TRDN: variants seen among roughly 807,000 people sequenced by gnomAD.
TRDN encodes triadin, also known as triadin in skeletal muscle.
In TRDN, 161 loss-of-function variants were observed where a neutral mutation model predicts 149.7. That is an observed-to-expected ratio of 1.08 (90% CI 0.95 to 1.23). TRDN has a LOEUF of 1.23. TRDN is among the 50% of genes most tolerant of loss of function. The pLI is 0.00. For missense variants in TRDN, 896 were observed against 823.5 expected (o/e 1.09, Z -1.08); for synonymous variants, 294 against 250.5 (o/e 1.17, Z -1.64).
At chr6:123,360,599 C>A (rs1410067372) in intron 20 of TRDN, among the ~76,000 whole-genome samples, 2 of 151,934 alleles carry the variant, frequency 1.3e-5, no homozygotes, top group Non-Finnish European at 2.9e-5. Context: ...ATGGTAGGGA[C>A]AGGAGCTTAG....
At chr6:123,502,576 A>G in intron 8 of TRDN, 1 of 984,822 alleles carries the variant, frequency 1.0e-6, no homozygotes, top group Non-Finnish European at 1.2e-6. Context: ...TACAAATGCA[A>G]ATTCAAGAGA....
At position 123,635,136 on chromosome 6, in the gene TRDN, G is replaced by A. The variant is rs529265572; in HGVS notation, c.22+1618C>T. Among the ~76,000 whole-genome samples the A allele has an allele frequency of 9.9e-5, 15 of 152,078 alleles. No individual in the cohort carries two copies. In the South Asian group the frequency reaches 1.2e-3, roughly 13 times the overall value. ...AGAGAAACAGAAGATTAAGACGCTC[G>A]TAGCTATCTTAATAACTTGTGCAGA... On this transcript the variant is annotated intron_variant, in intron 1 of 40. Transcript: ENST00000334268.
intron 1 of TRDN, among the ~76,000 whole-genome samples, chr6:123,619,019 C>T (rs1785244500): frequency 6.6e-6 from 1 of 152,040 alleles, no homozygotes; most frequent in African/African-American, 2.4e-5. Flanking sequence ...ATAAAATTGC[C>T]TAGCGTCATG....
At chr6:123,416,379 T>C (rs957153201) in intron 12 of TRDN, among the ~76,000 whole-genome samples, 24 of 152,048 alleles carry the variant, frequency 1.6e-4, no homozygotes, top group Non-Finnish European at 7.4e-5. Context: ...TCCCTGATCA[T>C]TGGGGTTTTT....
intron 5 of TRDN, among the ~76,000 whole-genome samples, chr6:123,520,331 T>G (rs1165498094): frequency 6.6e-6 from 1 of 152,182 alleles, no homozygotes; most frequent in Non-Finnish European, 1.5e-5. Flanking sequence ...TACCCTGAAC[T>G]TCTTTGTCTG....
chr6:123,485,337 T>C (rs963545047), intron 9 of TRDN, among the ~76,000 whole-genome samples: 6 of 152,194 alleles, frequency 3.9e-5, no homozygotes, highest in African/African-American at 1.4e-4. Context: ...TAGAAATCTG[T>C]CATCTTTTAA....
At chr6:123,219,638 A>T (rs1271789254) in intron 40 of TRDN, among the ~76,000 whole-genome samples, 1 of 151,884 alleles carries the variant, frequency 6.6e-6, no homozygotes, top group Non-Finnish European at 1.5e-5. Flanking sequence ...GAGTATTCTG[A>T]TTCCATTTCC....
At chr6:123,634,006 T>C (rs1451733174) in intron 1 of TRDN, among the ~76,000 whole-genome samples, 1 of 151,972 alleles carries the variant, frequency 6.6e-6, no homozygotes, top group African/African-American at 2.4e-5. Flanking sequence ...AGGTAATGAG[T>C]TATCTCTTAT....
intron 5 of TRDN, among the ~76,000 whole-genome samples, chr6:123,522,722 G>A (rs1779750616): frequency 6.6e-6 from 1 of 152,110 alleles, no homozygotes; most frequent in South Asian, 2.1e-4. Flanking sequence ...AAAGTTGTCT[G>A]TAGGAATGTC....
At chr6:123,472,273 T>C (rs1032308925) in intron 9 of TRDN, among the ~76,000 whole-genome samples, 6 of 152,146 alleles carry the variant, frequency 3.9e-5, no homozygotes, top group Non-Finnish European at 8.8e-5. Flanking sequence ...AGTCGGGAAG[T>C]GCAAGGGGTC....
intron 1 of TRDN, among the ~76,000 whole-genome samples, chr6:123,595,280 C>T (rs564667477): frequency 9.6e-4 from 146 of 152,190 alleles, no homozygotes; most frequent in African/African-American, 3.3e-3. Context: ...CAAACCTCAT[C>T]ATTCTAGTAG....
intron 38 of TRDN, among the ~76,000 whole-genome samples, chr6:123,238,584 C>T (rs949696055): frequency 6.6e-6 from 1 of 151,992 alleles, no homozygotes; most frequent in Non-Finnish European, 1.5e-5. Context: ...CAGTGAGAAC[C>T]AGACCTAAGA....
At chr6:123,254,889 T>C (rs1425145784) in intron 37 of TRDN, 192 bp downstream of exon 37, 6 of 508,916 alleles carry the variant, frequency 1.2e-5, no homozygotes, top group African/African-American at 1.1e-4. Context: ...TTCTGATTTC[T>C]TCATGTTTTC....
chr6:123,524,823 C>T (rs11154175), intron 5 of TRDN, among the ~76,000 whole-genome samples: 118,493 of 152,026 alleles, frequency 0.78, 47,495 homozygotes, highest in East Asian at 0.89. Flanking sequence ...TATGCTGATA[C>T]CTGAAGATAT....
At chr6:123,318,335 T>C (rs914053581) in intron 23 of TRDN, among the ~76,000 whole-genome samples, 1 of 152,062 alleles carries the variant, frequency 6.6e-6, no homozygotes, top group African/African-American at 2.4e-5. Context: ...AATTATTGAC[T>C]TGCATTATTC....
chr6:123,382,599 G>A (rs991279586), intron 14 of TRDN, among the ~76,000 whole-genome samples: 6 of 151,786 alleles, frequency 4.0e-5, no homozygotes, highest in Non-Finnish European at 5.9e-5. Flanking sequence ...ATGTTGCACT[G>A]TCTTTGAATA....
At chr6:123,248,744 GA>G (rs1776273901) in intron 38 of TRDN, among the ~76,000 whole-genome samples, 1 of 151,868 alleles carries the variant, frequency 6.6e-6, no homozygotes, top group East Asian at 1.9e-4. Flanking sequence ...TCTCATCAAA[GA>G]AAATTCCAGG....
chr6:123,224,017 A>G (rs1318727754), intron 39 of TRDN, 76 bp downstream of exon 39: 8 of 1,286,112 alleles, frequency 6.2e-6, no homozygotes, highest in Non-Finnish European at 8.5e-6. Context: ...TAGCTAGGAA[A>G]AAAAAAAAAA....
At chr6:123,514,133 G>A (rs1165210072) in intron 6 of TRDN, among the ~76,000 whole-genome samples, 3 of 152,142 alleles carry the variant, frequency 2.0e-5, no homozygotes, top group Non-Finnish European at 4.4e-5. Flanking sequence ...GGGAGGCTGA[G>A]GTGAGCAGAT....
Sources: gnomAD v4.1 joint callset for allele counts (sites outside exome capture counted in the v4.1 genomes callset) on GRCh38, gnomAD v4.1.1 for gene constraint, MANE v1.5 for transcripts, NCBI Gene and HGNC (gene_info 2026-07-23, HGNC 2026-07-21) for gene names.